Variants in CLIC4 observed in about 807,000 individuals in gnomAD.
CLIC4 encodes the protein chloride intracellular channel protein 4.
CLIC4 carries 13 observed loss-of-function variants against 24.6 expected under a neutral mutation model. The observed-to-expected ratio is 0.53, with a 90% CI of 0.34 to 0.84. The LOEUF (loss-of-function observed/expected upper bound fraction) is 0.84, where lower values mean the gene tolerates loss of function less well. Ranked by LOEUF, CLIC4 falls within the 40% of genes least tolerant of loss-of-function variation. CLIC4 has a pLI of 0.01. For missense variants in CLIC4, 227 were observed against 301.7 expected (o/e 0.75, Z 1.83); for synonymous variants, 104 against 111.3 (o/e 0.93, Z 0.41).
At chr1:24,812,746 G>A (rs1372526254) in intron 2 of CLIC4, among the ~76,000 whole-genome samples, 1 of 152,120 alleles carries the variant, frequency 6.6e-6, no homozygotes, top group Middle Eastern at 3.4e-3. Context: ...TTGAGACAGA[G>A]TATTGCTCTG....
At chr1:24,747,481 C>T (rs557437880) in intron 1 of CLIC4, among the ~76,000 whole-genome samples, 15 of 129,998 alleles carry the variant, frequency 1.2e-4, no homozygotes, top group African/African-American at 4.1e-4. Context: ...TTGTGGTGTG[C>T]GGAGATTGCG....
At chr1:24,803,820 T>C (rs1229661407) in intron 2 of CLIC4, among the ~76,000 whole-genome samples, 2 of 152,210 alleles carry the variant, frequency 1.3e-5, no homozygotes, top group East Asian at 3.8e-4. Flanking sequence ...GAGAGAGCTC[T>C]ATCACTGATT....
chr1:24,815,042 G>C (rs557344776), intron 3 of CLIC4, among the ~76,000 whole-genome samples: 1 of 152,260 alleles, frequency 6.6e-6, no homozygotes, highest in South Asian at 2.1e-4. Flanking sequence ...TTAGGTTCCA[G>C]ACCACAGTGA....
In CLIC4 at chr1:24,797,722, T is replaced by C. The variant is rs756274713; in HGVS notation, c.73-20T>C. 5 of 1,544,352 alleles carry C rather than the reference T, an allele frequency of 3.2e-6. No individual in the cohort carries two copies. Among genetic ancestry groups the C allele is most frequent in the Admixed American group, 3.9e-5 (2 of 51,642 alleles). On this transcript the variant is annotated intron_variant, in intron 1 of 5. Coordinates refer to ENST00000374379, the MANE Select transcript of CLIC4 (RefSeq NM_013943.3). ...ATCATCACTTTGACCTTGTTTTTAA[T>C]GTTTAATTCTGTTTTCCAGGCTGGC...
chr1:24,805,160 G>T (rs1440448813), intron 2 of CLIC4, among the ~76,000 whole-genome samples: 2 of 151,222 alleles, frequency 1.3e-5, no homozygotes, highest in African/African-American at 2.4e-5. Context: ...CTTTTCATGG[G>T]TACTATTTTT....
intron 1 of CLIC4, among the ~76,000 whole-genome samples, chr1:24,793,428 G>T (rs1206610064): frequency 2.0e-5 from 3 of 152,100 alleles, no homozygotes; most frequent in African/African-American, 7.2e-5. Context: ...CAGCAGGCAG[G>T]TGCCTTACTT....
chr1:24,839,810 G>T (rs1263101104), intron 4 of CLIC4, 50 bp from the exon 5 acceptor site: 1 of 1,502,502 alleles, frequency 6.7e-7, no homozygotes, highest in Non-Finnish European at 9.1e-7. Context: ...TTGGGGACTT[G>T]AGTGGTTTTC....
At chr1:24,825,612 TAG>T (rs1375838096) in intron 3 of CLIC4, among the ~76,000 whole-genome samples, 1 of 152,226 alleles carries the variant, frequency 6.6e-6, no homozygotes, top group African/African-American at 2.4e-5. Flanking sequence ...GAGAGCTATC[TAG>T]AGACTAGGTA....
At chr1:24,821,109 T>C (rs1378228746) in intron 3 of CLIC4, among the ~76,000 whole-genome samples, 1 of 151,700 alleles carries the variant, frequency 6.6e-6, no homozygotes, top group East Asian at 1.9e-4. Context: ...TGCTTGGGCC[T>C]GGGAGGCAGA....
chr1:24,820,067 G>GTGTATGTATATATATATA (rs1212033050), intron 3 of CLIC4, among the ~76,000 whole-genome samples: 1 of 36,484 alleles, frequency 2.7e-5, no homozygotes, highest in Non-Finnish European at 5.2e-5. Flanking sequence ...AAAAAAGTAT[G>GTGTATGTATATATATATA]TATATATATA....
intron 4 of CLIC4, among the ~76,000 whole-genome samples, chr1:24,839,366 C>T (rs1639916706): frequency 6.6e-6 from 1 of 152,196 alleles, no homozygotes. Flanking sequence ...GTGGTGCTAT[C>T]TCGGCTCACT....
chr1:24,749,578 A>G (rs188489174), intron 1 of CLIC4, among the ~76,000 whole-genome samples: 102 of 152,304 alleles, frequency 6.7e-4, no homozygotes, highest in Admixed American at 1.1e-3. Context: ...CCTGTCATCT[A>G]TATAACAGCA....
chr1:24,820,265 G>GTTTT (rs1557812406), intron 3 of CLIC4, among the ~76,000 whole-genome samples: 1 of 49,780 alleles, frequency 2.0e-5, no homozygotes, highest in African/African-American at 8.3e-5. Flanking sequence ...TCCCTTTTTG[G>GTTTT]TCTTTTTTTT....
chr1:24,784,518 G>A (rs983702146), intron 1 of CLIC4, among the ~76,000 whole-genome samples: 4 of 152,194 alleles, frequency 2.6e-5, no homozygotes, highest in Non-Finnish European at 5.9e-5. Flanking sequence ...GTAAATGTGA[G>A]TGAAGTCTTA....
At chr1:24,790,078 A>AT (rs749476204) in intron 1 of CLIC4, among the ~76,000 whole-genome samples, 8 of 152,086 alleles carry the variant, frequency 5.3e-5, no homozygotes, top group African/African-American at 1.9e-4. Flanking sequence ...TTTTATTTTT[A>AT]TTTTTATTTG....
Position 24,842,102 on chromosome 1 carries a change from A to G in CLIC4, c.*1165A>G, listed in dbSNP as rs1229632581. 6.6e-6 allele frequency: 1 copy of G among 152,398 alleles called. No homozygotes were observed. The highest frequency in any genetic ancestry group is 1.5e-5 in the Non-Finnish European group (1 of 68,004). The allele number at this position is 152,398 out of a possible 1,614,324, so 9.4% of individuals were successfully genotyped here. ...ATTCCTTTGGGACTAAGTTATAGTT[A>G]TGGTGAGTGTGTATTTACTGTAGTT... is the stretch of plus-strand genomic sequence containing the variant. On this transcript the variant is annotated 3_prime_UTR_variant, in exon 6 of 6. Coordinates refer to ENST00000374379, the MANE Select transcript of CLIC4 (RefSeq NM_013943.3).
At chr1:24,808,470 A>G (rs1294486034) in intron 2 of CLIC4, among the ~76,000 whole-genome samples, 1 of 152,076 alleles carries the variant, frequency 6.6e-6, no homozygotes, top group Non-Finnish European at 1.5e-5. Flanking sequence ...ATGACAAGAA[A>G]AAGTCTGTAC....
At chr1:24,827,146 C>T (rs1639794226) in intron 4 of CLIC4, 30 bp downstream of exon 4, 1 of 1,387,904 alleles carries the variant, frequency 7.2e-7, no homozygotes, top group Non-Finnish European at 1.0e-6. Flanking sequence ...ATTAACATTG[C>T]AACAAAAAAC....
At chr1:24,799,529 C>T (rs539678802) in intron 2 of CLIC4, among the ~76,000 whole-genome samples, 1 of 151,528 alleles carries the variant, frequency 6.6e-6, no homozygotes, top group East Asian at 2.0e-4. Context: ...GCGTCTCCGC[C>T]CGGCAGCCCC....
Sources: gnomAD v4.1 joint callset for allele counts (sites outside exome capture counted in the v4.1 genomes callset) on GRCh38, gnomAD v4.1.1 for gene constraint, MANE v1.5 for transcripts, NCBI Gene and HGNC (gene_info 2026-07-23, HGNC 2026-07-21) for gene names.